NEK10: variants seen among roughly 807,000 people sequenced by gnomAD.
NEK10 encodes NIMA related kinase 10.
Under a neutral mutation model 159.8 loss-of-function variants are expected in NEK10, and 122 were observed. The ratio of observed to expected loss-of-function variants is 0.76; its 90% CI spans 0.66 to 0.89. The LOEUF (loss-of-function observed/expected upper bound fraction) is 0.89, where lower values mean the gene tolerates loss of function less well. NEK10 is among the 40% of genes least tolerant of loss of function. The probability of loss-of-function intolerance (pLI) is 0.00; values close to 1 mark genes in which losing one functional copy is unlikely to be tolerated. For missense variants in NEK10, 1,342 were observed against 1,323.1 expected (o/e 1.01, Z -0.22); for synonymous variants, 466 against 457.1 (o/e 1.02, Z -0.25).
intron 23 of NEK10, among the ~76,000 whole-genome samples, chr3:27,217,350 G>A (rs1041027772): frequency 1.3e-5 from 2 of 152,164 alleles, no homozygotes; most frequent in African/African-American, 2.4e-5. Flanking sequence ...CTATAGAAGA[G>A]GCATGACTGT....
chr3:27,233,013 C>T (rs1012937100), intron 23 of NEK10, among the ~76,000 whole-genome samples: 1 of 151,976 alleles, frequency 6.6e-6, no homozygotes, highest in African/African-American at 2.4e-5. Context: ...AAACCAAATG[C>T]AACGAAAACA....
chr3:27,151,603 A>T (rs945696126), intron 30 of NEK10, among the ~76,000 whole-genome samples: 54 of 152,202 alleles, frequency 3.5e-4, no homozygotes, highest in African/African-American at 1.3e-3. Flanking sequence ...AGGCTCTGTA[A>T]CACCCCCCAA....
intron 5 of NEK10, among the ~76,000 whole-genome samples, chr3:27,326,948 T>C (rs532769346): frequency 7.2e-4 from 109 of 152,290 alleles, no homozygotes; most frequent in African/African-American, 2.5e-3. Flanking sequence ...CATATACACA[T>C]ATATACATAC....
At chr3:27,127,946 T>A (rs1286866717) in intron 32 of NEK10, among the ~76,000 whole-genome samples, 1 of 152,126 alleles carries the variant, frequency 6.6e-6, no homozygotes, top group Non-Finnish European at 1.5e-5. Flanking sequence ...AGGTCACTTT[T>A]CCTATGGATT....
chr3:27,149,308 CA>C (rs1177885887), intron 30 of NEK10, among the ~76,000 whole-genome samples: 1 of 151,988 alleles, frequency 6.6e-6, no homozygotes, highest in East Asian at 1.9e-4. Context: ...AAGGTATTTA[CA>C]AGTATACCTC....
intron 11 of NEK10, 129 bp from the exon 12 acceptor site, chr3:27,305,100 C>A: frequency 1.6e-6 from 1 of 644,966 alleles, no homozygotes. Context: ...GTCAATGTGC[C>A]ATTTTCTGTA....
At chr3:27,291,151 T>G (rs1425244638) in intron 18 of NEK10, 111 bp downstream of exon 18, 1 of 980,086 alleles carries the variant, frequency 1.0e-6, no homozygotes, top group African/African-American at 1.6e-5. Context: ...TTTTCATATC[T>G]GTTTGCTATT....
chr3:27,294,499 T>C (rs867158412), intron 15 of NEK10, among the ~76,000 whole-genome samples: 1 of 152,188 alleles, frequency 6.6e-6, no homozygotes, highest in South Asian at 2.1e-4. Context: ...TCTGGAATTC[T>C]AAAAAACCCT....
chr3:27,236,613 G>A (rs1200582308), intron 23 of NEK10, among the ~76,000 whole-genome samples: 1 of 152,140 alleles, frequency 6.6e-6, no homozygotes, highest in Non-Finnish European at 1.5e-5. Context: ...ATATCGGTAA[G>A]TCCGTGATGT....
At chr3:27,309,750 C>T (rs1158624616) in intron 9 of NEK10, 2 of 152,148 alleles carry the variant, frequency 1.3e-5, no homozygotes, top group African/African-American at 4.8e-5. Context: ...AATTATGAAA[C>T]GATTTTTCAA....
At chr3:27,181,443 A>G (rs1030447191) in intron 26 of NEK10, among the ~76,000 whole-genome samples, 2 of 152,144 alleles carry the variant, frequency 1.3e-5, no homozygotes, top group African/African-American at 4.8e-5. Flanking sequence ...CACATTGGGT[A>G]GGCTGAAGAC....
At chr3:27,288,940 T>C (rs1421091121) in intron 19 of NEK10, among the ~76,000 whole-genome samples, 1 of 152,110 alleles carries the variant, frequency 6.6e-6, no homozygotes, top group Admixed American at 6.5e-5. Context: ...TTAGAGAAGA[T>C]TTCTCAGCCT....
At position 27,369,259 on chromosome 3, in the gene NEK10, C is replaced by G. The variant is rs1025856354; in HGVS notation, c.-72G>C. ...GGGACGGTCCCTCCTTCAGGCCAAT[C>G]TCCTTATCATTGTCCCTGCTGCTGT... On this transcript the variant is annotated 5_prime_UTR_variant, in exon 1 of 36. Coordinates refer to ENST00000691995, the MANE Select transcript of NEK10 (RefSeq NM_001394966.1). This position sits in a 1 kb window ranked among gnomAD's most constrained non-coding sequence, Gnocchi z 4.2. 6.6e-6 allele frequency: 1 copy of G among 152,290 alleles called. No homozygotes were observed. Among genetic ancestry groups the G allele is most frequent in the African/African-American group, 2.4e-5 (1 of 41,426 alleles). The allele number at this position is 152,290 out of a possible 1,614,324, so 9.4% of individuals were successfully genotyped here. A position where few individuals can be genotyped will look rare whatever the true frequency, so the allele number is the denominator to read the frequency against.
intron 30 of NEK10, among the ~76,000 whole-genome samples, chr3:27,161,650 G>A (rs1946020493): frequency 6.6e-6 from 1 of 152,150 alleles, no homozygotes; most frequent in Non-Finnish European, 1.5e-5. Flanking sequence ...ATGGACTTTG[G>A]TCCTCTTTCA....
intron 6 of NEK10, among the ~76,000 whole-genome samples, chr3:27,316,424 G>A (rs1223722394): frequency 6.6e-6 from 1 of 152,150 alleles, no homozygotes; most frequent in Admixed American, 6.5e-5. Flanking sequence ...AACACAGGGG[G>A]AGAGAAAGGA....
chr3:27,310,839 G>A (rs970288244), intron 9 of NEK10, 110 bp downstream of exon 9: 9 of 630,776 alleles, frequency 1.4e-5, no homozygotes, highest in Middle Eastern at 3.0e-4. Flanking sequence ...CAGGCTGGTA[G>A]GTTTGTGGAT....
intron 30 of NEK10, chr3:27,162,293 T>C (rs1409521785): frequency 8.1e-7 from 1 of 1,227,356 alleles, no homozygotes; most frequent in South Asian, 1.7e-5. Context: ...AGAAGGCATT[T>C]TGTTACCATC....
intron 23 of NEK10, among the ~76,000 whole-genome samples, chr3:27,249,058 G>T (rs1262223333): frequency 6.6e-6 from 1 of 152,168 alleles, no homozygotes; most frequent in Non-Finnish European, 1.5e-5. Flanking sequence ...GAGACCAGGT[G>T]GAGGTAATTG....
chr3:27,306,258 C>T (rs2044237578), intron 11 of NEK10, among the ~76,000 whole-genome samples: 1 of 152,156 alleles, frequency 6.6e-6, no homozygotes, highest in Non-Finnish European at 1.5e-5. Flanking sequence ...AACCCCACTG[C>T]TCCTCCCATC....
Sources: gnomAD v4.1 joint callset for allele counts (sites outside exome capture counted in the v4.1 genomes callset) on GRCh38, gnomAD v4.1.1 for gene constraint, Gnocchi (gnomAD v3.1) non-coding constraint, MANE v1.5 for transcripts, NCBI Gene and HGNC (gene_info 2026-07-23, HGNC 2026-07-21) for gene names.